Variants in ROCK1 observed in about 807,000 individuals in gnomAD.
The protein encoded by ROCK1 is rho-associated protein kinase 1.
ROCK1 carries 36 observed loss-of-function variants against 196.8 expected under a neutral mutation model. That is an observed-to-expected ratio of 0.18 (90% CI 0.14 to 0.24). The LOEUF is 0.24. Ranked by LOEUF, ROCK1 falls within the 10% of genes least tolerant of loss-of-function variation. The probability of loss-of-function intolerance (pLI) is 1.00; values close to 1 mark genes in which losing one functional copy is unlikely to be tolerated. For missense variants in ROCK1, 920 were observed against 1,562.0 expected (o/e 0.59, Z 6.93); for synonymous variants, 443 against 515.9 (o/e 0.86, Z 1.91).
chr18:20,978,605 C>G (rs1470650917), intron 22 of ROCK1, among the ~76,000 whole-genome samples: 1 of 152,122 alleles, frequency 6.6e-6, no homozygotes, highest in Non-Finnish European at 1.5e-5. Flanking sequence ...CAGAGGAGCT[C>G]TAGATACAAC....
At chr18:21,049,261 T>A (rs200516920) in intron 3 of ROCK1, 32 bp from the exon 4 acceptor site, 80 of 1,478,084 alleles carry the variant, frequency 5.4e-5, no homozygotes, top group Non-Finnish European at 6.9e-5. Context: ...ATAATGAACC[T>A]TTTGTTAACA....
chr18:20,993,738 T>C (rs1249744122), intron 16 of ROCK1, among the ~76,000 whole-genome samples: 2 of 152,246 alleles, frequency 1.3e-5, no homozygotes, highest in Non-Finnish European at 2.9e-5. Flanking sequence ...CTCATATATT[T>C]AGTAATTGTC....
intron 2 of ROCK1, among the ~76,000 whole-genome samples, chr18:21,055,531 TTAC>T (rs929629466): frequency 6.6e-6 from 1 of 152,168 alleles, no homozygotes; most frequent in African/African-American, 2.4e-5. Context: ...TTTTCATATT[TTAC>T]TATGGGAGAC....
In ROCK1 at chr18:20,966,976, G is replaced by A. The variant is rs1161340242; in HGVS notation, c.3293C>T (p.Ser1098Leu). 3 of 1,613,458 alleles carry A rather than the reference G, an allele frequency of 1.9e-6. No homozygotes were observed. Among genetic ancestry groups the A allele is most frequent in the East Asian group, 2.2e-5 (1 of 44,854 alleles). ...EQLRAKLLDL[S>L]DSTSVASFPS... ...AAAACTAGCAACACTTGTAGAATCC[G>A]AGAGGTCCAAAAGTTTAGCACGCAA... The change falls in exon 27 of 33, where the codon TCG (serine) becomes TTG (leucine). Residue 1098 changes from serine (S) to leucine (L), a missense_variant. By Grantham distance (145) the Ser-to-Leu change is moderately radical. Around this residue, in one of 6 missense-constraint regions of ROCK1, gnomAD observed 116 missense variants for 204.2 expected, o/e 0.57. Coordinates refer to ENST00000399799, the MANE Select transcript of ROCK1 (RefSeq NM_005406.3).
At chr18:21,090,156 A>G (rs1264985433) in intron 1 of ROCK1, among the ~76,000 whole-genome samples, 1 of 152,250 alleles carries the variant, frequency 6.6e-6, no homozygotes, top group Non-Finnish European at 1.5e-5. Flanking sequence ...CTTAGAAAAT[A>G]CTGGTTCCTT....
intron 32 of ROCK1, among the ~76,000 whole-genome samples, chr18:20,951,666 T>C (rs866818696): frequency 6.6e-6 from 1 of 152,124 alleles, no homozygotes; most frequent in African/African-American, 2.4e-5. Context: ...TTCTACAGAA[T>C]TAAGTTAGCA....
At chr18:21,048,451 T>C (rs77892497) in intron 4 of ROCK1, among the ~76,000 whole-genome samples, 2,269 of 152,270 alleles carry the variant, frequency 0.015, 28 homozygotes, top group South Asian at 0.025. Context: ...ATTTAAATTT[T>C]AATAATATAC....
At chr18:20,975,562 T>C (rs2035472392) in intron 22 of ROCK1, among the ~76,000 whole-genome samples, 1 of 152,246 alleles carries the variant, frequency 6.6e-6, no homozygotes. Context: ...TGACTGTTTT[T>C]CTTGACCTTT....
intron 2 of ROCK1, among the ~76,000 whole-genome samples, chr18:21,069,746 T>C (rs2036367672): frequency 6.6e-6 from 1 of 152,130 alleles, no homozygotes; most frequent in African/African-American, 2.4e-5. Flanking sequence ...TAAATATTAA[T>C]AAAATTTTAC....
At chr18:21,103,295 A>T (rs1328858734) in intron 1 of ROCK1, among the ~76,000 whole-genome samples, 1 of 152,196 alleles carries the variant, frequency 6.6e-6, no homozygotes, top group African/African-American at 2.4e-5. Context: ...CTAGTTCCAA[A>T]AAAAGCACTT....
At chr18:20,985,637 T>C (rs967103633) in intron 19 of ROCK1, among the ~76,000 whole-genome samples, 1 of 152,206 alleles carries the variant, frequency 6.6e-6, no homozygotes, top group East Asian at 1.9e-4. Flanking sequence ...CTATATCTTA[T>C]TCACTTCGGT....
rs1555743125 is a variant in ROCK1 at position 20,959,047 on chromosome 18, A to ATATTTT, written c.3512+792_3512+793insAAAATA. ...AATATATATATTTTATATAATATAT[A>ATATTTT]ATATATATATTATATTTTATATTAT... On this transcript the variant is annotated intron_variant, in intron 29 of 32. Coordinates refer to ENST00000399799, the MANE Select transcript of ROCK1 (RefSeq NM_005406.3). Among the ~76,000 whole-genome samples the ATATTTT allele has an allele frequency of 6.8e-3, 338 of 49,502 alleles. 15 individuals carry two copies. The highest frequency in any genetic ancestry group is 0.044 in the African/African-American group (290 of 6,536). 32.5% of individuals were successfully genotyped at this position (49,502 alleles called of 152,430 possible). A position where few individuals can be genotyped will look rare whatever the true frequency, so the allele number is the denominator to read the frequency against.
chr18:20,972,159 T>C (rs1316758039), intron 22 of ROCK1, among the ~76,000 whole-genome samples: 10 of 152,088 alleles, frequency 6.6e-5, no homozygotes, highest in African/African-American at 2.4e-4. Flanking sequence ...TGAGAAGTGA[T>C]TAGAGTCTAT....
chr18:21,090,818 G>GAT (rs1449878118), intron 1 of ROCK1, among the ~76,000 whole-genome samples: 1 of 152,114 alleles, frequency 6.6e-6, no homozygotes, highest in Admixed American at 6.5e-5. Context: ...AAGACAATGA[G>GAT]ATACCTGTTC....
intron 1 of ROCK1, among the ~76,000 whole-genome samples, chr18:21,107,668 C>G (rs2036714261): frequency 1.3e-5 from 2 of 152,154 alleles, no homozygotes; most frequent in Admixed American, 1.3e-4. Context: ...AATGAACGAA[C>G]GAATGCTCAA....
chr18:20,961,425 G>A (rs1258646388), intron 27 of ROCK1, among the ~76,000 whole-genome samples: 1 of 152,042 alleles, frequency 6.6e-6, no homozygotes, highest in East Asian at 1.9e-4. Flanking sequence ...CTATGTATAA[G>A]TCCATGAATA....
At chr18:21,056,527 C>G (rs2036246558) in intron 2 of ROCK1, among the ~76,000 whole-genome samples, 1 of 152,150 alleles carries the variant, frequency 6.6e-6, no homozygotes, top group African/African-American at 2.4e-5. Context: ...TACATTGCTA[C>G]CATGCTAGAC....
intron 13 of ROCK1, among the ~76,000 whole-genome samples, chr18:21,008,653 C>A (rs1285763576): frequency 2.0e-5 from 3 of 152,206 alleles, no homozygotes; most frequent in Non-Finnish European, 4.4e-5. Context: ...TGATGCTTCA[C>A]TTTTTAAGAC....
intron 2 of ROCK1, among the ~76,000 whole-genome samples, chr18:21,061,516 G>A (rs2143536947): frequency 6.6e-6 from 1 of 152,354 alleles, no homozygotes; most frequent in African/African-American, 2.4e-5. Flanking sequence ...GAGTGGGGGT[G>A]ATGGAACTGT....
Sources: allele counts gnomAD v4.1 joint callset (sites outside exome capture counted in the v4.1 genomes callset), GRCh38; gene constraint gnomAD v4.1.1; regional missense constraint gnomAD v4.1.1; transcripts MANE v1.5; gene names NCBI Gene and HGNC (gene_info 2026-07-23, HGNC 2026-07-21).